Variants in PTPRE observed in about 807,000 individuals in gnomAD.
PTPRE encodes the protein receptor-type tyrosine-protein phosphatase epsilon.
PTPRE carries 51 observed loss-of-function variants against 102.0 expected under a neutral mutation model. The ratio of observed to expected loss-of-function variants is 0.50; its 90% CI spans 0.40 to 0.63. The LOEUF (loss-of-function observed/expected upper bound fraction) is 0.63, where lower values mean the gene tolerates loss of function less well. PTPRE is among the 30% of genes least tolerant of loss of function. The pLI, the probability that PTPRE is intolerant of heterozygous loss-of-function variation, is 0.00. For missense variants in PTPRE, 752 were observed against 915.1 expected (o/e 0.82, Z 2.30); for synonymous variants, 345 against 348.2 (o/e 0.99, Z 0.10).
intron 2 of PTPRE, among the ~76,000 whole-genome samples, chr10:128,029,051 T>C (rs1394525572): frequency 6.6e-6 from 1 of 152,220 alleles, no homozygotes; most frequent in Non-Finnish European, 1.5e-5. Context: ...TCCTCCCTCT[T>C]GATTGCGACT....
At chr10:128,033,989 A>G (rs375145685) in intron 2 of PTPRE, among the ~76,000 whole-genome samples, 1 of 152,212 alleles carries the variant, frequency 6.6e-6, no homozygotes, top group East Asian at 1.9e-4. Flanking sequence ...CTCATCAGTT[A>G]AAATAGAAGC....
chr10:128,023,864 A>G (rs530446673), intron 2 of PTPRE, among the ~76,000 whole-genome samples: 1 of 152,218 alleles, frequency 6.6e-6, no homozygotes, highest in Non-Finnish European at 1.5e-5. Flanking sequence ...ACTCTGTAAT[A>G]ATATTTTGGT....
At chr10:127,928,192 G>A (rs372971478) in intron 1 of PTPRE, among the ~76,000 whole-genome samples, 3 of 152,164 alleles carry the variant, frequency 2.0e-5, no homozygotes, top group South Asian at 2.1e-4. Context: ...CACTGTTTAC[G>A]CTTATCTGGC....
intron 1 of PTPRE, among the ~76,000 whole-genome samples, chr10:127,923,012 C>T (rs1564799326): frequency 6.6e-6 from 1 of 152,250 alleles, no homozygotes; most frequent in Non-Finnish European, 1.5e-5. Context: ...TTAGTGGCAA[C>T]AGTGGCAGCT....
chr10:128,070,572 C>G lies in PTPRE; in HGVS notation c.1293+122C>G, dbSNP rs1850679650. 1 of 1,335,064 alleles carries G rather than the reference C, an allele frequency of 7.5e-7. No individual in the cohort carries two copies. Among genetic ancestry groups the G allele is most frequent in the Admixed American group, 2.6e-5 (1 of 39,144 alleles). 82.7% of individuals were successfully genotyped at this position (1,335,064 alleles called of 1,614,324 possible). On this transcript the variant is annotated intron_variant, in intron 14 of 20. Transcript: ENST00000254667. The surrounding 1 kb of genome is among the most constrained non-coding windows in gnomAD (Gnocchi z 4.8). ...GCCCCTTAACTGACCTCAGAAAAAG[C>G]AGGGGCAATACCTGAGCCATGATTT...
intron 6 of PTPRE, among the ~76,000 whole-genome samples, chr10:128,054,435 CAAG>C (rs1285521929): frequency 6.6e-6 from 1 of 152,012 alleles, no homozygotes; most frequent in Non-Finnish European, 1.5e-5. Context: ...TAGATTAGGT[CAAG>C]AAGGTCAGTA....
chr10:128,035,140 G>A (rs1456607754), intron 2 of PTPRE, among the ~76,000 whole-genome samples: 7 of 151,930 alleles, frequency 4.6e-5, no homozygotes, highest in South Asian at 4.1e-4. Context: ...CCATCACCGC[G>A]CCCAGCTAAT....
intron 1 of PTPRE, among the ~76,000 whole-genome samples, chr10:127,920,758 A>T (rs920567016): frequency 6.6e-5 from 10 of 152,218 alleles, no homozygotes; most frequent in Non-Finnish European, 1.3e-4. Context: ...AGTCAAGTTC[A>T]TAGGGGCGTT....
chr10:127,952,704 G>A (rs1849123349), intron 1 of PTPRE, among the ~76,000 whole-genome samples: 1 of 152,138 alleles, frequency 6.6e-6, no homozygotes, highest in South Asian at 2.1e-4. Flanking sequence ...AAACTGTGCT[G>A]GGTGTGCCTG....
At chr10:127,982,996 TC>T (rs1308806893) in intron 2 of PTPRE, among the ~76,000 whole-genome samples, 1 of 152,220 alleles carries the variant, frequency 6.6e-6, no homozygotes, top group Non-Finnish European at 1.5e-5. Context: ...CACGTGGACT[TC>T]TGGGTGTGCT....
chr10:127,907,878 TG>T lies in PTPRE; in HGVS notation c.-31+570del, dbSNP rs1279013036. On this transcript the variant is annotated intron_variant, in intron 1 of 20. Transcript: ENST00000254667. The surrounding 1 kb of genome is among the most constrained non-coding windows in gnomAD (Gnocchi z 4.8). The stretch of plus-strand genomic sequence containing the variant: ...TGCAGCAGCCGCCGGGGGTCGGAGA[TG>T]CGGCAGGGAGACCCTGGCAGGTGGT... Among the ~76,000 whole-genome samples the T allele has an allele frequency of 6.6e-6, 1 of 152,146 alleles. No individual in the cohort carries two copies. The highest frequency in any genetic ancestry group is 1.5e-5 in the Non-Finnish European group (1 of 68,006).
intron 17 of PTPRE, among the ~76,000 whole-genome samples, chr10:128,074,981 C>T (rs186183173): frequency 6.5e-4 from 98 of 151,486 alleles, no homozygotes; most frequent in Admixed American, 5.1e-3. Context: ...TTTTTTAAAA[C>T]ATCTTTTAAA....
At chr10:127,930,590 T>G (rs1847356655) in intron 1 of PTPRE, among the ~76,000 whole-genome samples, 1 of 152,068 alleles carries the variant, frequency 6.6e-6, no homozygotes, top group Non-Finnish European at 1.5e-5. Flanking sequence ...TGCATGTAGG[T>G]TTTTGCATAA....
chr10:127,942,282 G>T (rs1191319738), intron 1 of PTPRE, among the ~76,000 whole-genome samples: 2 of 152,188 alleles, frequency 1.3e-5, no homozygotes, highest in African/African-American at 4.8e-5. Flanking sequence ...AGAAACGGAA[G>T]AATGTTGAGG....
rs57640027 is a variant in PTPRE at position 127,944,466 on chromosome 10, A to AGACG, written c.-31+37160_-31+37163dup. 0.3 allele frequency among the ~76,000 whole-genome samples: 22,062 copies of AGACG among 73,864 alleles called. 1,886 individuals carry two copies. The highest frequency in any genetic ancestry group is 0.4 in the Middle Eastern group (45 of 112). The allele number at this position is 73,864 out of a possible 152,430, so 48.5% of individuals were successfully genotyped here. On this transcript the variant is annotated intron_variant, in intron 1 of 20. Coordinates refer to ENST00000254667, the MANE Select transcript of PTPRE (RefSeq NM_006504.6). This position sits in a 1 kb window ranked among gnomAD's most constrained non-coding sequence, Gnocchi z 4.2. ...TGGACAGATGGATGGATACATGGAC[A>AGACG]GACGGATGGATGGATGGATGGATGG...
intron 20 of PTPRE, among the ~76,000 whole-genome samples, chr10:128,080,592 G>A (rs962150754): frequency 6.6e-6 from 1 of 152,188 alleles, no homozygotes; most frequent in African/African-American, 2.4e-5. Context: ...TCATTAATCT[G>A]CCTGGTCTGG....
chr10:128,020,048 ACG>A (rs1845746792), intron 2 of PTPRE, among the ~76,000 whole-genome samples: 7 of 91,352 alleles, frequency 7.7e-5, no homozygotes, highest in Admixed American at 2.0e-4. Context: ...GTGTGTGTGC[ACG>A]CGCGCACGTG....
intron 2 of PTPRE, among the ~76,000 whole-genome samples, chr10:128,032,447 C>T (rs1846846254): frequency 6.6e-6 from 1 of 152,226 alleles, no homozygotes; most frequent in East Asian, 1.9e-4. Context: ...GTGTAGGGAA[C>T]AGGCTCTCTT....
intron 1 of PTPRE, among the ~76,000 whole-genome samples, chr10:127,966,803 C>T (rs146871275): frequency 8.3e-4 from 126 of 152,234 alleles, no homozygotes; most frequent in Middle Eastern, 3.4e-3. Context: ...TTTTTGACCA[C>T]GACACCTTTG....
Sources: gnomAD v4.1 joint callset for allele counts (sites outside exome capture counted in the v4.1 genomes callset) on GRCh38, gnomAD v4.1.1 for gene constraint, Gnocchi (gnomAD v3.1) non-coding constraint, MANE v1.5 for transcripts, NCBI Gene and HGNC (gene_info 2026-07-23, HGNC 2026-07-21) for gene names.